The following GALNT15 variants were observed in gnomAD, a reference collection of about 807,000 sequenced individuals.
GALNT15 encodes the protein UDP-GalNAc transferase T15.
Under a neutral mutation model 66.8 loss-of-function variants are expected in GALNT15, and 67 were observed. The observed-to-expected ratio is 1.00, with a 90% CI of 0.82 to 1.23. The LOEUF is 1.23. GALNT15 is among the 50% of genes most tolerant of loss of function. GALNT15 has a pLI of 0.00. For synonymous variants in GALNT15, 313 were observed against 311.5 expected (o/e 1.00, Z -0.05); for missense variants, 827 against 804.3 (o/e 1.03, Z -0.34).
intron 8 of GALNT15, 123 bp downstream of exon 8, chr3:16,220,137 G>A (rs912379517): frequency 4.0e-6 from 3 of 740,894 alleles, no homozygotes; most frequent in African/African-American, 3.4e-5. Context: ...CATGTCCCTT[G>A]ACTGCCATGG....
Position 16,200,514 on chromosome 3 carries a change from T to A in GALNT15, c.707-105T>A. Reference sequence around the variant, plus strand: ...ATGTTTTCGGTTCTTAGGACCCAGGTGCTCACCACAGCTTCCAAAAGAGAG... The same window carrying A: ...ATGTTTTCGGTTCTTAGGACCCAGGAGCTCACCACAGCTTCCAAAAGAGAG... On this transcript the variant is annotated intron_variant, in intron 2 of 9. Coordinates refer to ENST00000339732, the MANE Select transcript of GALNT15 (RefSeq NM_054110.5). This position sits in a 1 kb window ranked among gnomAD's most constrained non-coding sequence, Gnocchi z 4.4. The A allele has an allele frequency of 2.4e-6, 2 of 847,680 alleles. No individual in the cohort carries two copies. The highest frequency in any genetic ancestry group is 3.5e-6 in the Non-Finnish European group (2 of 578,138). 52.5% of individuals were successfully genotyped at this position (847,680 alleles called of 1,614,324 possible).
At chr3:16,214,112 G>T (rs1277720874) in intron 6 of GALNT15, among the ~76,000 whole-genome samples, 1 of 152,204 alleles carries the variant, frequency 6.6e-6, no homozygotes, top group Non-Finnish European at 1.5e-5. Flanking sequence ...CTCCTTTCCT[G>T]GTGCAGGAGA....
chr3:16,233,094 C>CTTTTTTTTTTTTTGTTTTTTTTT (rs2064099873), downstream of GALNT15, among the ~76,000 whole-genome samples: 1 of 61,208 alleles, frequency 1.6e-5, no homozygotes, highest in Non-Finnish European at 3.0e-5. Context: ...GATAATGCAT[C>CTTTTTTTTTTTTTGTTTTTTTTT]TTTTTTTTTT....
chr3:16,208,544 A>G lies in GALNT15; in HGVS notation c.953A>G (p.Lys318Arg). 6.2e-7 allele frequency: 1 copy of G among 1,614,128 alleles called. No homozygotes were observed. ...CCGGTGATAGATGTGATTGACTGGA[A>G]GACTTTCCAGTATTACCCCTCAAAG... ...VSPVIDVIDW[K>R]TFQYYPSKDL... Residue 318 changes from lysine to arginine, a missense_variant, in exon 4 of 10, where the codon AAG (lysine) becomes AGG (arginine). By Grantham distance (26) the Lys-to-Arg change is conservative. Transcript: ENST00000339732.
At position 16,200,762 on chromosome 3, in the gene GALNT15, G is replaced by A. The variant is rs541983333; in HGVS notation, c.850G>A (p.Ala284Thr). 1.9e-5 allele frequency: 30 copies of A among 1,612,532 alleles called. 1 individual carries two copies. In the South Asian group the frequency reaches 2.8e-4, roughly 15 times the overall value. ...ATGDVLVFMD[A>T]HCECHPGWLE... ...CGGGGATGTGCTCGTCTTCATGGAT[G>A]CCCACTGCGAGTGCCACCCAGGCTG... is the stretch of plus-strand genomic sequence containing the variant. Residue 284 changes from alanine to threonine, a missense_variant, in exon 3 of 10, where the codon GCC becomes ACC. By Grantham distance (58) the Ala-to-Thr change is moderately conservative. Transcript: ENST00000339732. This position sits in a 1 kb window ranked among gnomAD's most constrained non-coding sequence, Gnocchi z 4.4.
chr3:16,243,445 A>G, the GALNT15 span, among the ~76,000 whole-genome samples: 21 of 152,254 alleles, frequency 1.4e-4, no homozygotes, highest in African/African-American at 5.1e-4. Context: ...GTGGGCGCCC[A>G]GGGAGCACCT....
Position 16,184,353 on chromosome 3 carries a change from T to C in GALNT15, c.539+8663T>C, listed in dbSNP as rs565466180. ...CTTGCTTTATGATGTTCAAGAGCCT[T>C]TGCCATGCTCTGCCTCATTGGTTGG... On this transcript the variant is annotated intron_variant, in intron 1 of 9. Coordinates refer to ENST00000339732, the MANE Select transcript of GALNT15 (RefSeq NM_054110.5). The surrounding 1 kb of genome is among the most constrained non-coding windows in gnomAD (Gnocchi z 5.0). Among the ~76,000 whole-genome samples the C allele has an allele frequency of 3.8e-4, 58 of 152,366 alleles. No homozygotes were observed. The highest frequency in any genetic ancestry group is 1.3e-3 in the African/African-American group (56 of 41,580).
chr3:16,212,145 A>T (rs1023983527), intron 5 of GALNT15, among the ~76,000 whole-genome samples: 1 of 152,252 alleles, frequency 6.6e-6, no homozygotes, highest in Non-Finnish European at 1.5e-5. Flanking sequence ...TCTCTACCAC[A>T]AACAGCTTCT....
chr3:16,217,376 C>A (rs562341670), intron 6 of GALNT15, among the ~76,000 whole-genome samples: 148 of 152,316 alleles, frequency 9.7e-4, no homozygotes, highest in Middle Eastern at 3.4e-3. Flanking sequence ...CCTTTTATTT[C>A]TCTCTCTGTT....
chr3:16,179,302 T>C (rs964583458), intron 1 of GALNT15, among the ~76,000 whole-genome samples: 2 of 152,222 alleles, frequency 1.3e-5, no homozygotes, highest in African/African-American at 4.8e-5. Flanking sequence ...TGCCAGGTTA[T>C]CTGACCAGGT....
the GALNT15 span, among the ~76,000 whole-genome samples, chr3:16,240,738 A>G: frequency 6.7e-6 from 1 of 149,202 alleles, no homozygotes; most frequent in Non-Finnish European, 1.5e-5. Context: ...AGCACCTTCA[A>G]TCTACACTAG....
At chr3:16,215,682 T>G (rs895462726) in intron 6 of GALNT15, among the ~76,000 whole-genome samples, 2 of 151,120 alleles carry the variant, frequency 1.3e-5, no homozygotes, top group African/African-American at 4.9e-5. Context: ...GAGGCCGAGG[T>G]GGGTGGATCA....
rs1243479553 is a variant in GALNT15, at chr3:16,224,197, A to G, written c.1773+1439A>G. ...TAAATAACTTCTAAAAGTTATTATCATTCAGCCAGAAAAAGGAATGAGGTA... is the reference window on the plus strand; with the variant it reads ...TAAATAACTTCTAAAAGTTATTATCGTTCAGCCAGAAAAAGGAATGAGGTA... On this transcript the variant is annotated intron_variant, in intron 9 of 9. Coordinates refer to ENST00000339732, the MANE Select transcript of GALNT15 (RefSeq NM_054110.5). The surrounding 1 kb of genome is among the most constrained non-coding windows in gnomAD (Gnocchi z 5.2). 6.6e-6 allele frequency among the ~76,000 whole-genome samples: 1 copy of G among 152,274 alleles called. No individual in the cohort carries two copies. The highest frequency in any genetic ancestry group is 1.5e-5 in the Non-Finnish European group (1 of 68,046).
At chr3:16,241,443 C>A in the GALNT15 span, among the ~76,000 whole-genome samples, 1 of 152,190 alleles carries the variant, frequency 6.6e-6, no homozygotes, top group African/African-American at 2.4e-5. This position sits in a 1 kb window ranked among gnomAD's most constrained non-coding sequence, Gnocchi z 4.6. Context: ...TTTAGACTCT[C>A]CACATGTGGC....
At chr3:16,201,213 G>A (rs1051912322) in intron 3 of GALNT15, among the ~76,000 whole-genome samples, 18 of 150,040 alleles carry the variant, frequency 1.2e-4, no homozygotes, top group African/African-American at 4.0e-4. Context: ...ATGGCGTCTC[G>A]CTCTGTCACC....
At chr3:16,214,685 C>T (rs2063854257) in intron 6 of GALNT15, among the ~76,000 whole-genome samples, 1 of 152,132 alleles carries the variant, frequency 6.6e-6, no homozygotes, top group Non-Finnish European at 1.5e-5. Flanking sequence ...ATAATGTTCA[C>T]AGAGGTGAGA....
At chr3:16,205,835 T>A (rs1393147767) in intron 3 of GALNT15, among the ~76,000 whole-genome samples, 8 of 152,210 alleles carry the variant, frequency 5.3e-5, no homozygotes, top group Non-Finnish European at 1.2e-4. Context: ...GACATTTTAT[T>A]CTTTATCTCT....
In GALNT15 at chr3:16,224,811, T is replaced by A. The variant is rs1322475328; in HGVS notation, c.1773+2053T>A. On this transcript the variant is annotated intron_variant, in intron 9 of 9. Transcript: ENST00000339732. The surrounding 1 kb of genome is among the most constrained non-coding windows in gnomAD (Gnocchi z 5.2). ...GCCACCATGCCCAGCTAATTTTGTA[T>A]TTTTAGTAGAGACGGGGTTTCCTCC... Among the ~76,000 whole-genome samples the A allele has an allele frequency of 6.6e-6, 1 of 151,982 alleles. No homozygotes were observed. The highest frequency in any genetic ancestry group is 1.9e-4 in the East Asian group (1 of 5,178).
chr3:16,175,743 T>A lies in GALNT15; in HGVS notation c.539+53T>A, dbSNP rs1378289730. 8.8e-6 allele frequency: 13 copies of A among 1,480,178 alleles called. No individual in the cohort carries two copies. The highest frequency in any genetic ancestry group is 9.9e-6 in the Non-Finnish European group (11 of 1,108,184). The allele number at this position is 1,480,178 out of a possible 1,614,324, so 91.7% of individuals were successfully genotyped here. A position where few individuals can be genotyped will look rare whatever the true frequency, so the allele number is the denominator to read the frequency against. Reference sequence around the variant, plus strand: ...CTGATCCCAGGGCATGATCGGGTGGTAGCAAACTCGGGAATGCAAACTTTC... The same window carrying A: ...CTGATCCCAGGGCATGATCGGGTGGAAGCAAACTCGGGAATGCAAACTTTC... On this transcript the variant is annotated intron_variant, in intron 1 of 9. Transcript: ENST00000339732. The surrounding 1 kb of genome is among the most constrained non-coding windows in gnomAD (Gnocchi z 5.6).
Sources: gnomAD v4.1 joint callset for allele counts (sites outside exome capture counted in the v4.1 genomes callset) on GRCh38, gnomAD v4.1.1 for gene constraint, Gnocchi (gnomAD v3.1) non-coding constraint, MANE v1.5 for transcripts, NCBI Gene and HGNC (gene_info 2026-07-23, HGNC 2026-07-21) for gene names.